Variants in PRDM2 observed in about 807,000 individuals in gnomAD.
PRDM2 encodes the protein PR/SET domain 2, also known as PR domain zinc finger protein 2.
Under a neutral mutation model 130.0 loss-of-function variants are expected in PRDM2, and 30 were observed. That is an observed-to-expected ratio of 0.23 (90% CI 0.17 to 0.31). The LOEUF (loss-of-function observed/expected upper bound fraction) is 0.31. Among genes scored for constraint, PRDM2 ranks in the 10% least tolerant of loss-of-function variants. The pLI, the probability that PRDM2 is intolerant of heterozygous loss-of-function variation, is 1.00. For synonymous variants in PRDM2, 871 were observed against 782.4 expected (o/e 1.11, Z -1.89); for missense variants, 2,011 against 2,108.4 (o/e 0.95, Z 0.90).
chr1:13,736,462 G>T (rs1643276965), intron 4 of PRDM2, among the ~76,000 whole-genome samples: 1 of 151,942 alleles, frequency 6.6e-6, no homozygotes, highest in Non-Finnish European at 1.5e-5. Context: ...CAATTTCATT[G>T]TATACCATTC....
chr1:13,724,047 G>C (rs1249711857), intron 2 of PRDM2, among the ~76,000 whole-genome samples: 3 of 152,220 alleles, frequency 2.0e-5, no homozygotes, highest in Non-Finnish European at 4.4e-5. Flanking sequence ...AATCCTACTA[G>C]GTTAGGATAG....
rs896747341 is a variant in PRDM2 at position 13,824,136 on chromosome 1, C to G, written c.*1001C>G. 1.3e-5 allele frequency: 2 copies of G among 152,552 alleles called. No homozygotes were observed. The highest frequency in any genetic ancestry group is 1.5e-5 in the Non-Finnish European group (1 of 68,034). 9.4% of individuals were successfully genotyped at this position (152,552 alleles called of 1,614,324 possible). ...TCTGGAGGACGGTCAGTCCATGTCT[C>G]GGAGAAACGGGTGAGCTGAGCTTGG... is the stretch of plus-strand genomic sequence containing the variant. On this transcript the variant is annotated 3_prime_UTR_variant, in exon 10 of 10. Coordinates refer to ENST00000311066, the MANE Select transcript of PRDM2 (RefSeq NM_001393986.1).
intron 5 of PRDM2, among the ~76,000 whole-genome samples, chr1:13,746,156 A>G (rs1643597713): frequency 6.6e-6 from 1 of 152,094 alleles, no homozygotes; most frequent in South Asian, 2.1e-4. Flanking sequence ...TTTGAACCCA[A>G]AGAGAAAGTG....
intron 7 of PRDM2, among the ~76,000 whole-genome samples, chr1:13,775,052 C>T (rs544336718): frequency 6.6e-5 from 10 of 152,336 alleles, no homozygotes; most frequent in East Asian, 5.8e-4. Flanking sequence ...CGTAGGCTTC[C>T]GCTGAATGTT....
chr1:13,770,625 G>C (rs1158110023), intron 6 of PRDM2, among the ~76,000 whole-genome samples: 1 of 152,192 alleles, frequency 6.6e-6, no homozygotes, highest in Non-Finnish European at 1.5e-5. Flanking sequence ...TTTATGCAAG[G>C]AGTGAAGGTT....
rs1644353117 is a variant in PRDM2 at position 13,771,226 on chromosome 1, T to G, written c.512-1852T>G. Among the ~76,000 whole-genome samples, 1 of 152,178 alleles carries G rather than the reference T, an allele frequency of 6.6e-6. No individual in the cohort carries two copies. The highest frequency in any genetic ancestry group is 1.5e-5 in the Non-Finnish European group (1 of 68,032). ...CTTATGGAGGGGATTGGCTTATAAT[T>G]CTTCACCTGGAGACGTGTGTTGGTC... On this transcript the variant is annotated intron_variant, in intron 6 of 9. Coordinates refer to ENST00000311066, the MANE Select transcript of PRDM2 (RefSeq NM_001393986.1). The surrounding 1 kb of genome is among the most constrained non-coding windows in gnomAD (Gnocchi z 4.1).
At chr1:13,774,731 C>G (rs980911492) in intron 7 of PRDM2, among the ~76,000 whole-genome samples, 1 of 152,136 alleles carries the variant, frequency 6.6e-6, no homozygotes, top group African/African-American at 2.4e-5. Context: ...AATCCCAGCA[C>G]TTTGGGAGGC....
chr1:13,812,106 T>A (rs1227834946), intron 8 of PRDM2, among the ~76,000 whole-genome samples: 1 of 151,906 alleles, frequency 6.6e-6, no homozygotes, highest in Non-Finnish European at 1.5e-5. Flanking sequence ...TGTCCGGTGG[T>A]CCTTATAAAG....
intron 6 of PRDM2, among the ~76,000 whole-genome samples, chr1:13,759,254 AT>A (rs1243535850): frequency 6.7e-6 from 1 of 149,340 alleles, no homozygotes; most frequent in Non-Finnish European, 1.5e-5. Context: ...TCTTTTGTAG[AT>A]TTCCTGAAAC....
At position 13,780,528 on chromosome 1, in the gene PRDM2, G is replaced by A. The variant is rs1212397404; in HGVS notation, c.2733G>A (p.Arg911=). The A allele has an allele frequency of 6.2e-7, 1 of 1,614,170 alleles. No homozygotes were observed. Residue 911 remains arginine (R), a synonymous_variant, in exon 8 of 10, where the codon AGG becomes AGA. Transcript: ENST00000311066. ...TAGAAAACCCTGCAGATGGGACCAG[G>A]AGCCCAAGTCCTTGTAAATCCCTAG... is the stretch of plus-strand genomic sequence containing the variant. ...LPVENPADGT[R]SPSPCKSLEA...
rs144354025 is a variant in PRDM2 at position 13,710,569 on chromosome 1, G to T, written c.-65-4972G>T. ...TAGAGATCAAGCTCTTATTTTCTAA[G>T]AGTGCATGCTCTTCTGGGACTGATA... On this transcript the variant is annotated intron_variant, in intron 1 of 9. Transcript: ENST00000311066. Among the ~76,000 whole-genome samples, 148 of 152,280 alleles carry T rather than the reference G, an allele frequency of 9.7e-4. 1 individual carries two copies. Among genetic ancestry groups the T allele is most frequent in the African/African-American group, 3.5e-3 (146 of 41,548 alleles).
intron 8 of PRDM2, among the ~76,000 whole-genome samples, chr1:13,808,371 G>T (rs1645117723): frequency 6.6e-6 from 1 of 151,740 alleles, no homozygotes; most frequent in Admixed American, 6.6e-5. Flanking sequence ...GGCTGAGGCA[G>T]GAGAATGGCG....
In PRDM2 at chr1:13,781,036, A is replaced by G. The variant is rs373418945; in HGVS notation, c.3241A>G (p.Ile1081Val). 48 of 1,609,586 alleles carry G rather than the reference A, an allele frequency of 3.0e-5. No homozygotes were observed. Among genetic ancestry groups the G allele is most frequent in the African/African-American group, 2.8e-4 (21 of 74,572 alleles). ...TCCTTCTCCACCTCCTCTCTCCGCA[A>G]TATCATCTGTTGTTTCCTCTGGTGA... ...SSPSPPPLSA[I>V]SSVVSSGDNL... The change falls in exon 8 of 10, where the codon ATA becomes GTA. Residue 1081 changes from isoleucine to valine, a missense_variant. By Grantham distance (29) the Ile-to-Val change is conservative. Coordinates refer to ENST00000311066, the MANE Select transcript of PRDM2 (RefSeq NM_001393986.1). This position sits in a 1 kb window ranked among gnomAD's most constrained non-coding sequence, Gnocchi z 6.1.
At chr1:13,762,258 A>T (rs1644117316) in intron 6 of PRDM2, among the ~76,000 whole-genome samples, 1 of 152,264 alleles carries the variant, frequency 6.6e-6, no homozygotes, top group Non-Finnish European at 1.5e-5. Context: ...TTGTTAATCA[A>T]ATCATGGCCC....
At chr1:13,785,907 T>C (rs1225234671) in intron 8 of PRDM2, among the ~76,000 whole-genome samples, 4 of 150,616 alleles carry the variant, frequency 2.7e-5, no homozygotes, top group African/African-American at 9.8e-5. Flanking sequence ...GGCACGATCT[T>C]GGCTCACTGC....
At chr1:13,736,993 ATCAG>A (rs973064256) in intron 4 of PRDM2, among the ~76,000 whole-genome samples, 1 of 152,242 alleles carries the variant, frequency 6.6e-6, no homozygotes, top group East Asian at 1.9e-4. Context: ...AAACTTTTTT[ATCAG>A]TCAGCGCTGC....
intron 2 of PRDM2, among the ~76,000 whole-genome samples, chr1:13,721,418 A>G (rs781610972): frequency 3.3e-5 from 5 of 151,868 alleles, no homozygotes; most frequent in African/African-American, 1.2e-4. Flanking sequence ...TATATTTTTT[A>G]TAGATAATTA....
intron 7 of PRDM2, among the ~76,000 whole-genome samples, chr1:13,774,039 G>A (rs1263487842): frequency 1.3e-5 from 2 of 152,072 alleles, no homozygotes; most frequent in African/African-American, 2.4e-5. Flanking sequence ...TCTGTTTTTT[G>A]TTGGAATTTA....
At position 13,781,826 on chromosome 1, in the gene PRDM2, A is replaced by G. The variant is rs149847070; in HGVS notation, c.4031A>G (p.Asn1344Ser). Residue 1344 changes from asparagine (N) to serine (S), a missense_variant, in exon 8 of 10, where the codon AAT becomes AGT. By Grantham distance (46) the Asn-to-Ser change is conservative (BLOSUM62 1). Coordinates refer to ENST00000311066, the MANE Select transcript of PRDM2 (RefSeq NM_001393986.1). This position sits in a 1 kb window ranked among gnomAD's most constrained non-coding sequence, Gnocchi z 6.1. Reference sequence around the variant, plus strand: ...ACAAAGTGTGGAAAAGGTGTCGACAATATGCCGGAGTTGCACAAACATATC... The same window carrying G: ...ACAAAGTGTGGAAAAGGTGTCGACAGTATGCCGGAGTTGCACAAACATATC... ...RCTKCGKGVD[N>S]MPELHKHILA... The G allele has an allele frequency of 6.6e-5, 106 of 1,614,218 alleles. No homozygotes were observed. The African/African-American group carries it at 8.8e-4, about 13-fold the overall frequency.
Sources: allele counts gnomAD v4.1 joint callset (sites outside exome capture counted in the v4.1 genomes callset), GRCh38; gene constraint gnomAD v4.1.1; non-coding constraint Gnocchi (gnomAD v3.1); transcripts MANE v1.5; gene names NCBI Gene and HGNC (gene_info 2026-07-23, HGNC 2026-07-21).